The following PDE5A variants were observed in gnomAD, a reference collection of about 807,000 sequenced individuals.
PDE5A encodes the protein cGMP-specific 3',5'-cyclic phosphodiesterase.
A neutral mutation model predicts 110.2 loss-of-function variants in PDE5A; 67 were observed. The observed-to-expected ratio is 0.61, with a 90% CI of 0.50 to 0.75. PDE5A has a LOEUF of 0.75. Among genes scored for constraint, PDE5A ranks in the 30% least tolerant of loss-of-function variants. The pLI, the probability that PDE5A is intolerant of heterozygous loss-of-function variation, is 0.00. For missense variants in PDE5A, 862 were observed against 1,045.1 expected (o/e 0.82, Z 2.42); for synonymous variants, 328 against 351.2 (o/e 0.93, Z 0.74).
intron 11 of PDE5A, among the ~76,000 whole-genome samples, chr4:119,528,008 T>C (rs1311189255): frequency 3.9e-5 from 6 of 151,970 alleles, no homozygotes; most frequent in African/African-American, 1.4e-4. Flanking sequence ...GGTTAAGCTC[T>C]TACAGGACTA....
chr4:119,576,478 A>G (rs1728351834), intron 3 of PDE5A, among the ~76,000 whole-genome samples: 1 of 152,194 alleles, frequency 6.6e-6, no homozygotes, highest in African/African-American at 2.4e-5. Flanking sequence ...AGAAATTATA[A>G]CAAACTGTCT....
chr4:119,511,105 C>T lies in PDE5A; in HGVS notation c.2030G>A (p.Cys677Tyr), dbSNP rs970775657. ...RSEHPLAQLYCHSIMEHHHFD... is the reference protein window; with the variant it reads ...RSEHPLAQLYYHSIMEHHHFD... ...ATGATGGTGTTCCATGATTGAATGG[C>T]AGTAAAGCTGGGCAAGTGGATGTTC... Residue 677 changes from cysteine to tyrosine, a missense_variant, in exon 15 of 21, where the codon TGC (cysteine) becomes TAC (tyrosine). Coordinates refer to ENST00000354960, the MANE Select transcript of PDE5A (RefSeq NM_001083.4). The T allele has an allele frequency of 6.2e-7, 1 of 1,609,936 alleles. No homozygotes were observed. Among genetic ancestry groups the T allele is most frequent in the Non-Finnish European group, 8.5e-7 (1 of 1,176,906 alleles).
chr4:119,597,360 C>T (rs1462656353), intron 2 of PDE5A, among the ~76,000 whole-genome samples: 1 of 150,302 alleles, frequency 6.7e-6, no homozygotes, highest in Non-Finnish European at 1.5e-5. Flanking sequence ...GGAACTCAAT[C>T]AAAAGCATGC....
At chr4:119,504,260 T>C (rs947714548) in intron 18 of PDE5A, among the ~76,000 whole-genome samples, 4 of 152,150 alleles carry the variant, frequency 2.6e-5, no homozygotes, top group Non-Finnish European at 2.9e-5. Flanking sequence ...GCTCCAATCA[T>C]GTTGCTGCAA....
In PDE5A at chr4:119,539,006, T is replaced by C; in HGVS notation, c.1586A>G (p.His529Arg). The C allele has an allele frequency of 6.2e-7, 1 of 1,612,556 alleles. No individual in the cohort carries two copies. Among genetic ancestry groups the C allele is most frequent in the Non-Finnish European group, 8.5e-7 (1 of 1,178,780 alleles). The change falls in exon 11 of 21, where the codon CAT (histidine) becomes CGT (arginine). Residue 529 changes from histidine to arginine, a missense_variant. By Grantham distance (29) the His-to-Arg change is conservative. Coordinates refer to ENST00000354960, the MANE Select transcript of PDE5A (RefSeq NM_001083.4). Reference sequence around the variant, plus strand: ...TGTTTCTTCCTCTGCTGCTGAAGCATGATACGACAGAACCTACAGGGTAGG... The same window carrying C: ...TGTTTCTTCCTCTGCTGCTGAAGCACGATACGACAGAACCTACAGGGTAGG... Reference protein sequence around the residue: ...QMVTLEVLSYHASAAEEETRE... With the variant: ...QMVTLEVLSYRASAAEEETRE...
intron 20 of PDE5A, 153 bp downstream of exon 20, chr4:119,501,017 A>G (rs1725302942): frequency 1.7e-6 from 1 of 595,376 alleles, no homozygotes; most frequent in Non-Finnish European, 3.0e-6. Flanking sequence ...GTTCAATACA[A>G]ACATGTTCAT....
At chr4:119,537,068 C>G (rs1373844239) in intron 11 of PDE5A, among the ~76,000 whole-genome samples, 2 of 152,078 alleles carry the variant, frequency 1.3e-5, no homozygotes, top group African/African-American at 2.4e-5. Flanking sequence ...CATGCCTAGC[C>G]CTCTTCAAGG....
At chr4:119,616,998 A>G (rs931433678) in intron 1 of PDE5A, among the ~76,000 whole-genome samples, 1 of 152,164 alleles carries the variant, frequency 6.6e-6, no homozygotes, top group African/African-American at 2.4e-5. Flanking sequence ...ATTTTTATGG[A>G]TATTTAAATA....
chr4:119,605,138 T>C (rs560587002), intron 2 of PDE5A, among the ~76,000 whole-genome samples: 55 of 152,150 alleles, frequency 3.6e-4, no homozygotes, highest in Non-Finnish European at 6.9e-4. Flanking sequence ...CTAAACCAAA[T>C]ATATATTCCT....
At position 119,547,738 on chromosome 4, in the gene PDE5A, T is replaced by C. The variant is rs116219370; in HGVS notation, c.1396+4812A>G. Among the ~76,000 whole-genome samples the C allele has an allele frequency of 8.1e-3, 1,237 of 152,130 alleles. 12 individuals carry two copies. Among genetic ancestry groups the C allele is most frequent in the African/African-American group, 0.028 (1,181 of 41,542 alleles). ...GCGTTTCAGGTTCTAAGTGAGTTTT[T>C]TCCTTCCAATTTATCTTTTAATTAT... On this transcript the variant is annotated intron_variant, in intron 9 of 20. Coordinates refer to ENST00000354960, the MANE Select transcript of PDE5A (RefSeq NM_001083.4).
chr4:119,611,568 C>T lies in PDE5A; in HGVS notation c.153-4271G>A, dbSNP rs540557854. 2.0e-5 allele frequency among the ~76,000 whole-genome samples: 3 copies of T among 152,296 alleles called. No homozygotes were observed. The South Asian group carries it at 6.2e-4, about 32-fold the overall frequency. On this transcript the variant is annotated intron_variant, in intron 1 of 20. Transcript: ENST00000354960. ...GCTTGTATACTTGCAGTGCCTGGTG[C>T]AGCATATGTCTTAAGCAGAGCCAGT...
intron 2 of PDE5A, among the ~76,000 whole-genome samples, chr4:119,599,650 GAAAAC>G (rs1351813237): frequency 6.6e-6 from 1 of 150,968 alleles, no homozygotes; most frequent in East Asian, 1.9e-4. Context: ...GATTGAAAGA[GAAAAC>G]AAACCATAAA....
intron 1 of PDE5A, among the ~76,000 whole-genome samples, chr4:119,610,556 T>C (rs1371785511): frequency 6.6e-6 from 1 of 152,138 alleles, no homozygotes; most frequent in Non-Finnish European, 1.5e-5. Context: ...CACGTGGATA[T>C]CTAGACCACT....
chr4:119,619,531 C>T (rs1026309031), intron 1 of PDE5A, among the ~76,000 whole-genome samples: 1 of 152,192 alleles, frequency 6.6e-6, no homozygotes, highest in Non-Finnish European at 1.5e-5. Context: ...CAGTACCTTA[C>T]ACAATCCCAC....
chr4:119,579,647 A>G (rs920281225), intron 3 of PDE5A, among the ~76,000 whole-genome samples: 3 of 151,740 alleles, frequency 2.0e-5, no homozygotes, highest in African/African-American at 7.3e-5. Flanking sequence ...CAATGAGAAC[A>G]CATGGACACA....
At position 119,627,174 on chromosome 4, in the gene PDE5A, A is replaced by G. The variant is rs1336570767; in HGVS notation, c.152+1346T>C. The G allele has an allele frequency of 6.2e-7, 1 of 1,613,020 alleles. No homozygotes were observed. Among genetic ancestry groups the G allele is most frequent in the African/African-American group, 1.3e-5 (1 of 74,902 alleles). ...CCTTGTTTTGTCTCCAAAGGGCAAC[A>G]TAGCAAACGTGGGAAGTTCGTTTTC... On this transcript the variant is annotated intron_variant, in intron 1 of 20. Coordinates refer to ENST00000354960, the MANE Select transcript of PDE5A (RefSeq NM_001083.4). This position sits in a 1 kb window ranked among gnomAD's most constrained non-coding sequence, Gnocchi z 4.6.
rs1729566232 is a variant in PDE5A at position 119,607,113 on chromosome 4, T to C, written c.337A>G (p.Ile113Val). Residue 113 changes from isoleucine to valine, a missense_variant, in exon 2 of 21, where the codon ATT becomes GTT. Coordinates refer to ENST00000354960, the MANE Select transcript of PDE5A (RefSeq NM_001083.4). The part of the protein sequence containing the change: ...ASEFDRPLRP[I>V]VVKDSEGTVS... ...GTTCCCTCAGAATCCTTGACAACAA[T>C]GGGTCTAAGAGGCCGGTCAAATTCA... 6.2e-7 allele frequency: 1 copy of C among 1,614,060 alleles called. No homozygotes were observed. Among genetic ancestry groups the C allele is most frequent in the African/African-American group, 1.3e-5 (1 of 74,930 alleles).
chr4:119,533,773 T>C (rs1726627539), intron 11 of PDE5A, among the ~76,000 whole-genome samples: 2 of 152,198 alleles, frequency 1.3e-5, no homozygotes, highest in African/African-American at 4.8e-5. Flanking sequence ...CATGTAATAA[T>C]GTTAAGATTC....
At chr4:119,550,483 CGCTAACACAAT>C (rs1727304242) in intron 9 of PDE5A, 1 of 152,162 alleles carries the variant, frequency 6.6e-6, no homozygotes, top group Non-Finnish European at 1.5e-5. Flanking sequence ...AGATGAGTGG[CGCTAACACAAT>C]GCTGTGAGTC....
Sources: allele counts gnomAD v4.1 joint callset (sites outside exome capture counted in the v4.1 genomes callset), GRCh38; gene constraint gnomAD v4.1.1; non-coding constraint Gnocchi (gnomAD v3.1); transcripts MANE v1.5; gene names NCBI Gene and HGNC (gene_info 2026-07-23, HGNC 2026-07-21).